Variants in PDE1A observed in about 807,000 individuals in gnomAD.
PDE1A encodes the protein dual specificity calcium/calmodulin-dependent 3',5'-cyclic nucleotide phosphodiesterase 1A.
Under a neutral mutation model 61.7 loss-of-function variants are expected in PDE1A, and 35 were observed. That is an observed-to-expected ratio of 0.57 (90% CI 0.43 to 0.75). The LOEUF (loss-of-function observed/expected upper bound fraction) is 0.75. PDE1A is among the 30% of genes least tolerant of loss of function. The pLI is 0.00. For missense variants in PDE1A, 597 were observed against 630.6 expected (o/e 0.95, Z 0.57); for synonymous variants, 232 against 213.2 (o/e 1.09, Z -0.77).
the PDE1A span, among the ~76,000 whole-genome samples, chr2:182,704,527 T>C: frequency 6.6e-6 from 1 of 152,238 alleles, no homozygotes; most frequent in African/African-American, 2.4e-5. Flanking sequence ...TTCTTTGTAA[T>C]CTTTGTTTAT....
chr2:182,644,289 G>A, the PDE1A span, among the ~76,000 whole-genome samples: 2 of 150,350 alleles, frequency 1.3e-5, no homozygotes, highest in Non-Finnish European at 3.0e-5. Context: ...GTGTGTGTGT[G>A]TGTGTGTGTG....
the PDE1A span, among the ~76,000 whole-genome samples, chr2:182,554,263 C>T: frequency 6.6e-6 from 1 of 152,194 alleles, no homozygotes; most frequent in Non-Finnish European, 1.5e-5. Flanking sequence ...CATTTTAGTG[C>T]TTTAAATTAA....
At chr2:182,396,816 G>A (rs1000651125) in intron 1 of PDE1A, among the ~76,000 whole-genome samples, 7 of 152,180 alleles carry the variant, frequency 4.6e-5, no homozygotes, top group Admixed American at 1.3e-4. Context: ...AGATGTATAT[G>A]GGTTTAAGTT....
chr2:182,635,696 C>CTT, the PDE1A span, among the ~76,000 whole-genome samples: 1 of 141,448 alleles, frequency 7.1e-6, no homozygotes, highest in African/African-American at 2.6e-5. Context: ...CTCTCTCTCT[C>CTT]TCTCCACATA....
chr2:182,228,990 C>G (rs1457993967), intron 6 of PDE1A, among the ~76,000 whole-genome samples: 1 of 152,132 alleles, frequency 6.6e-6, no homozygotes, highest in Non-Finnish European at 1.5e-5. Context: ...ATTCCCTAGT[C>G]TTACAGAGAA....
chr2:182,628,489 T>A, the PDE1A span, among the ~76,000 whole-genome samples: 2 of 152,088 alleles, frequency 1.3e-5, no homozygotes, highest in East Asian at 3.9e-4. Flanking sequence ...TTAGAATGGA[T>A]GAAATATAGA....
At chr2:182,340,648 A>G (rs1317672453) in intron 1 of PDE1A, among the ~76,000 whole-genome samples, 1 of 152,220 alleles carries the variant, frequency 6.6e-6, no homozygotes, top group East Asian at 1.9e-4. Flanking sequence ...TATGTTATAT[A>G]TAAATTAAAT....
At chr2:182,430,993 T>G (rs531602174), upstream of PDE1A, among the ~76,000 whole-genome samples, 1 of 136,350 alleles carries the variant, frequency 7.3e-6, no homozygotes, top group Admixed American at 7.5e-5. Flanking sequence ...CATTGGGAGA[T>G]ATACCTAATG....
intron 1 of PDE1A, among the ~76,000 whole-genome samples, chr2:182,425,669 A>C (rs1386145407): frequency 6.6e-6 from 1 of 152,118 alleles, no homozygotes; most frequent in Non-Finnish European, 1.5e-5. Flanking sequence ...CCACAGAGAA[A>C]TTTTGCTCAT....
At chr2:182,372,935 G>T (rs551190331) in intron 1 of PDE1A, among the ~76,000 whole-genome samples, 3 of 152,294 alleles carry the variant, frequency 2.0e-5, no homozygotes, top group Middle Eastern at 3.4e-3. Context: ...CAGTGATAAA[G>T]GAACAATGTG....
the PDE1A span, among the ~76,000 whole-genome samples, chr2:182,571,291 G>A: frequency 2.0e-5 from 3 of 152,070 alleles, no homozygotes; most frequent in Non-Finnish European, 4.4e-5. Context: ...TCACCAAGAG[G>A]AAGAGAATGA....
intron 2 of PDE1A, among the ~76,000 whole-genome samples, chr2:182,258,950 A>C (rs904546408): frequency 1.3e-5 from 2 of 152,188 alleles, no homozygotes; most frequent in Non-Finnish European, 2.9e-5. Flanking sequence ...TTCTAGACCC[A>C]GTTCTAGCCA....
In PDE1A at chr2:182,449,594, C is replaced by G. The variant is rs912291791; in HGVS notation, c.101+72682G>C. The stretch of plus-strand genomic sequence containing the variant: ...TTGTCTGATTTTTATGCCATACAGG[C>G]TTATTTTCCACATTTTCTGAGAGAC... On this transcript the variant is annotated intron_variant, in intron 2 of 14. Coordinates refer to the PDE1A transcript ENST00000410103. Among the ~76,000 whole-genome samples the G allele has an allele frequency of 2.0e-5, 3 of 152,012 alleles. No homozygotes were observed. The South Asian group carries it at 6.2e-4, about 32-fold the overall frequency.
At chr2:182,282,311 T>C (rs1197217280) in intron 1 of PDE1A, among the ~76,000 whole-genome samples, 1 of 151,968 alleles carries the variant, frequency 6.6e-6, no homozygotes, top group Admixed American at 6.6e-5. Context: ...CACTGTAGCC[T>C]CCTTACATAC....
intron 1 of PDE1A, among the ~76,000 whole-genome samples, chr2:182,398,709 G>T (rs1362127333): frequency 6.6e-6 from 1 of 152,014 alleles, no homozygotes; most frequent in Non-Finnish European, 1.5e-5. Context: ...TACACTTAAA[G>T]TGTAGGAGCA....
chr2:182,535,808 T>C, the PDE1A span, among the ~76,000 whole-genome samples: 2 of 152,184 alleles, frequency 1.3e-5, no homozygotes, highest in East Asian at 1.9e-4. Flanking sequence ...CGTTAATGCA[T>C]ATCCCCATGT....
intron 2 of PDE1A, among the ~76,000 whole-genome samples, chr2:182,446,841 A>T (rs1205110646): frequency 6.6e-6 from 1 of 151,974 alleles, no homozygotes; most frequent in East Asian, 1.9e-4. Context: ...GATCCCCAGA[A>T]AATTTTTTAA....
chr2:182,564,566 G>A, the PDE1A span, among the ~76,000 whole-genome samples: 4 of 151,988 alleles, frequency 2.6e-5, no homozygotes, highest in Non-Finnish European at 5.9e-5. Flanking sequence ...TCTTTGTGGC[G>A]TTCTCTGTAT....
chr2:182,338,432 A>G (rs1697978591), intron 1 of PDE1A, among the ~76,000 whole-genome samples: 1 of 152,218 alleles, frequency 6.6e-6, no homozygotes, highest in Non-Finnish European at 1.5e-5. Context: ...TTTAACTTGC[A>G]TAAGTACCTA....
Sources: allele counts gnomAD v4.1 joint callset (sites outside exome capture counted in the v4.1 genomes callset), GRCh38; gene constraint gnomAD v4.1.1; transcripts MANE v1.5; gene names NCBI Gene and HGNC (gene_info 2026-07-23, HGNC 2026-07-21).